PLXDC2: variants seen among roughly 807,000 people sequenced by gnomAD.
The protein encoded by PLXDC2 is plexin domain containing 2.
Under a neutral mutation model 68.9 loss-of-function variants are expected in PLXDC2, and 40 were observed. The ratio of observed to expected loss-of-function variants is 0.58; its 90% CI spans 0.45 to 0.76. PLXDC2 has a LOEUF of 0.76. Ranked by LOEUF, PLXDC2 falls within the 30% of genes least tolerant of loss-of-function variation. The pLI, the probability that PLXDC2 is intolerant of heterozygous loss-of-function variation, is 0.00. For missense variants in PLXDC2, 644 were observed against 661.9 expected (o/e 0.97, Z 0.30); for synonymous variants, 243 against 234.2 (o/e 1.04, Z -0.34).
At chr10:20,026,915 T>C (rs1336796281) in intron 2 of PLXDC2, among the ~76,000 whole-genome samples, 8 of 114,256 alleles carry the variant, frequency 7.0e-5, no homozygotes, top group Non-Finnish European at 1.2e-4. Context: ...TTTTATAATA[T>C]ATTCTAATAT....
intron 12 of PLXDC2, among the ~76,000 whole-genome samples, chr10:20,230,980 G>C (rs1835357416): frequency 6.6e-6 from 1 of 150,648 alleles, no homozygotes; most frequent in Non-Finnish European, 1.5e-5. Context: ...ACGAGAAGCA[G>C]TAACAATATA....
chr10:20,177,896 T>C (rs1834550941), intron 9 of PLXDC2, among the ~76,000 whole-genome samples: 1 of 90,300 alleles, frequency 1.1e-5, no homozygotes, highest in Non-Finnish European at 2.0e-5. Context: ...TATTTTCCTT[T>C]GTTTGAGAGC....
At chr10:19,958,925 T>C (rs1025668578) in intron 1 of PLXDC2, among the ~76,000 whole-genome samples, 1 of 152,298 alleles carries the variant, frequency 6.6e-6, no homozygotes, top group South Asian at 2.1e-4. Context: ...GCACATTATT[T>C]TGTAGCTAAC....
At chr10:19,964,569 G>C (rs113749956) in intron 1 of PLXDC2, among the ~76,000 whole-genome samples, 1 of 152,200 alleles carries the variant, frequency 6.6e-6, no homozygotes. Flanking sequence ...CTATATTCAT[G>C]TAGTAATGCC....
chr10:20,109,813 A>T lies in PLXDC2; in HGVS notation c.542-33482A>T, dbSNP rs371087281. 3.0e-3 allele frequency among the ~76,000 whole-genome samples: 464 copies of T among 152,300 alleles called. 15 individuals carry two copies. The South Asian group carries it at 0.058, about 19-fold the overall frequency. On this transcript the variant is annotated intron_variant, in intron 4 of 13. Transcript: ENST00000377252. Reference sequence around the variant, plus strand: ...GGAAAGTAACCTTCCAGAGGGCAAGATCCTCCCTATCATTTTACTCCTGAA... The same window carrying T: ...GGAAAGTAACCTTCCAGAGGGCAAGTTCCTCCCTATCATTTTACTCCTGAA...
chr10:19,960,024 T>C (rs1243478177), intron 1 of PLXDC2, among the ~76,000 whole-genome samples: 1 of 151,998 alleles, frequency 6.6e-6, no homozygotes, highest in African/African-American at 2.4e-5. Context: ...ACTTCATAAA[T>C]ACTTGTTATG....
At chr10:19,819,295 C>T (rs1286345958) in intron 1 of PLXDC2, among the ~76,000 whole-genome samples, 2 of 152,020 alleles carry the variant, frequency 1.3e-5, no homozygotes, top group Admixed American at 6.5e-5. Flanking sequence ...TTTTAAATTC[C>T]TTGCCAAATT....
intron 2 of PLXDC2, among the ~76,000 whole-genome samples, chr10:20,035,446 C>A (rs2131671383): frequency 6.6e-6 from 1 of 152,212 alleles, no homozygotes; most frequent in South Asian, 2.1e-4. Flanking sequence ...CCTGTAATCC[C>A]AGCATTTTGG....
chr10:19,834,354 A>AGAGAGTGT (rs376125037), intron 1 of PLXDC2, among the ~76,000 whole-genome samples: 1 of 147,668 alleles, frequency 6.8e-6, no homozygotes, highest in African/African-American at 2.5e-5. Flanking sequence ...AGAGAGAGAG[A>AGAGAGTGT]GTGTGTGTGT....
intron 13 of PLXDC2, among the ~76,000 whole-genome samples, chr10:20,272,778 C>T (rs1297952943): frequency 1.3e-5 from 2 of 152,162 alleles, no homozygotes; most frequent in African/African-American, 4.8e-5. Context: ...CTGATCTAAG[C>T]ATTAAAGAGT....
intron 12 of PLXDC2, among the ~76,000 whole-genome samples, chr10:20,243,691 A>G (rs1007582927): frequency 7.6e-6 from 1 of 132,162 alleles, no homozygotes; most frequent in African/African-American, 2.5e-5. Flanking sequence ...TGCTTATTAA[A>G]TGAAGTTTAA....
At chr10:20,099,168 G>A (rs1394694738) in intron 4 of PLXDC2, among the ~76,000 whole-genome samples, 2 of 152,098 alleles carry the variant, frequency 1.3e-5, no homozygotes, top group Non-Finnish European at 2.9e-5. Context: ...GCGGCCAAAA[G>A]CATTACTAAC....
At chr10:20,104,574 G>A (rs765233176) in intron 4 of PLXDC2, among the ~76,000 whole-genome samples, 1 of 152,126 alleles carries the variant, frequency 6.6e-6, no homozygotes, top group Non-Finnish European at 1.5e-5. Context: ...GCAGCAGCTA[G>A]GTTCCATGTA....
intron 13 of PLXDC2, among the ~76,000 whole-genome samples, chr10:20,261,271 A>G (rs1835805780): frequency 6.6e-6 from 1 of 152,184 alleles, no homozygotes. Context: ...TTCATGGCCT[A>G]TATCAAAGAA....
intron 13 of PLXDC2, among the ~76,000 whole-genome samples, chr10:20,270,458 C>G (rs1254210759): frequency 1.3e-5 from 2 of 152,104 alleles, no homozygotes; most frequent in African/African-American, 2.4e-5. Flanking sequence ...GGAGGATGCC[C>G]TGATTCATTA....
intron 1 of PLXDC2, among the ~76,000 whole-genome samples, chr10:19,980,632 A>G (rs1020249306): frequency 5.5e-4 from 84 of 152,248 alleles, no homozygotes; most frequent in African/African-American, 1.8e-3. Context: ...ATCTATGTGT[A>G]TACACACATA....
rs1052732556 is a variant in PLXDC2, at chr10:20,194,426, T to A, written c.1061+17017T>A. ...TAAATATGAAGGGAAAAACATAATG[T>A]TTTTTGGTCAAAATAAATTAATGAA... On this transcript the variant is annotated intron_variant, in intron 9 of 13. Transcript: ENST00000377252. Among the ~76,000 whole-genome samples the A allele has an allele frequency of 2.6e-5, 4 of 151,884 alleles. No homozygotes were observed. The South Asian group carries it at 8.3e-4, about 31-fold the overall frequency.
At chr10:19,912,700 C>G (rs1026566534) in intron 1 of PLXDC2, among the ~76,000 whole-genome samples, 1 of 152,054 alleles carries the variant, frequency 6.6e-6, no homozygotes, top group Non-Finnish European at 1.5e-5. Flanking sequence ...AAAACTGCCA[C>G]AAATCCTTTT....
chr10:20,084,748 C>A (rs940481991), intron 4 of PLXDC2, among the ~76,000 whole-genome samples: 1 of 151,890 alleles, frequency 6.6e-6, no homozygotes, highest in Admixed American at 6.6e-5. Flanking sequence ...GTAGATACAC[C>A]GTTGGACAGA....
Sources: allele counts gnomAD v4.1 joint callset (sites outside exome capture counted in the v4.1 genomes callset), GRCh38; gene constraint gnomAD v4.1.1; transcripts MANE v1.5; gene names NCBI Gene and HGNC (gene_info 2026-07-23, HGNC 2026-07-21).